The following ANGPT1 variants were observed in gnomAD, a reference collection of about 807,000 sequenced individuals.
ANGPT1 encodes angiopoietin 1, also known as angiopoietin-1.
A neutral mutation model predicts 62.2 loss-of-function variants in ANGPT1; 17 were observed. The ratio of observed to expected loss-of-function variants is 0.27; its 90% confidence interval spans 0.19 to 0.41. The LOEUF (loss-of-function observed/expected upper bound fraction) is 0.41. ANGPT1 is among the 10% of genes least tolerant of loss of function. ANGPT1 has a pLI of 1.00. For synonymous variants in ANGPT1, 199 were observed against 198.9 expected (o/e 1.00, Z 0.00); for missense variants, 478 against 594.9 (o/e 0.80, Z 2.04).
rs376615121 is a variant in ANGPT1, at chr8:107,474,575, T to A, written c.297+22687A>T. 3.9e-5 allele frequency among the ~76,000 whole-genome samples: 6 copies of A among 152,236 alleles called. No individual in the cohort carries two copies. The East Asian group carries it at 1.2e-3, about 29-fold the overall frequency. ...CTCCTATCCAACATAGTGTTGGAAG[T>A]TCTGGCCAGGGCAATTAGGCAGGAG... On this transcript the variant is annotated intron_variant, in intron 1 of 8. Coordinates refer to ENST00000517746, the MANE Select transcript of ANGPT1 (RefSeq NM_001146.5).
chr8:107,283,531 TA>T (rs1051080669), intron 7 of ANGPT1, among the ~76,000 whole-genome samples: 25 of 147,114 alleles, frequency 1.7e-4, no homozygotes, highest in East Asian at 4.0e-4. Flanking sequence ...TTTAAAAAAT[TA>T]AAAAAAAAAG....
intron 1 of ANGPT1, among the ~76,000 whole-genome samples, chr8:107,357,042 C>T (rs1200146823): frequency 6.6e-6 from 1 of 152,168 alleles, no homozygotes; most frequent in African/African-American, 2.4e-5. Flanking sequence ...TATTCCCAAC[C>T]TACATGTGTC....
chr8:107,322,520 G>A (rs967068317), intron 3 of ANGPT1, among the ~76,000 whole-genome samples: 12 of 152,174 alleles, frequency 7.9e-5, no homozygotes, highest in South Asian at 2.1e-4. Context: ...CAAACAACAC[G>A]TAGAAACTAC....
chr8:107,311,491 T>C (rs935022695), intron 4 of ANGPT1, among the ~76,000 whole-genome samples: 1 of 152,182 alleles, frequency 6.6e-6, no homozygotes, highest in African/African-American at 2.4e-5. Flanking sequence ...GCCCATGATA[T>C]ATAATTGCAG....
chr8:107,432,500 TA>T (rs1305604497), intron 1 of ANGPT1, among the ~76,000 whole-genome samples: 3 of 152,020 alleles, frequency 2.0e-5, no homozygotes, highest in Admixed American at 2.0e-4. Context: ...CTGTCTCTGC[TA>T]AAAATACAAA....
chr8:107,370,083 G>A (rs1222388860), intron 1 of ANGPT1, among the ~76,000 whole-genome samples: 2 of 150,910 alleles, frequency 1.3e-5, no homozygotes, highest in Non-Finnish European at 2.9e-5. Flanking sequence ...GGCTCAGAGA[G>A]CCATGATCAT....
intron 3 of ANGPT1, among the ~76,000 whole-genome samples, chr8:107,324,417 G>A (rs1238541993): frequency 6.6e-6 from 1 of 151,956 alleles, no homozygotes; most frequent in Admixed American, 6.6e-5. Flanking sequence ...CAGGGAAAAG[G>A]TTGTGTAAAG....
chr8:107,330,027 G>C (rs1236535370), intron 3 of ANGPT1, among the ~76,000 whole-genome samples: 1 of 152,066 alleles, frequency 6.6e-6, no homozygotes, highest in African/African-American at 2.4e-5. Context: ...GAGACGGACT[G>C]TTAGAGAAGC....
chr8:107,330,971 C>G (rs183229803), intron 3 of ANGPT1, among the ~76,000 whole-genome samples: 10 of 152,046 alleles, frequency 6.6e-5, no homozygotes, highest in Admixed American at 2.6e-4. Flanking sequence ...GTTCTATTTA[C>G]AAGAAAAAGA....
intron 4 of ANGPT1, among the ~76,000 whole-genome samples, chr8:107,311,211 AACTAAGAAATGATAAGAATTTGGG>A: frequency 1.3e-5 from 2 of 151,964 alleles, no homozygotes; most frequent in Admixed American, 1.3e-4. Context: ...AAGTAGGCAA[AACTAAGAAATGATAAGAATTTGGG>A]CACTGAACAA....
chr8:107,382,643 GA>G (rs74859906), intron 1 of ANGPT1, among the ~76,000 whole-genome samples: 17 of 151,186 alleles, frequency 1.1e-4, no homozygotes, highest in Admixed American at 2.6e-4. Context: ...ACAGAGCTGG[GA>G]AAAAAAAATG....
chr8:107,323,273 G>A (rs1343100055), intron 3 of ANGPT1, among the ~76,000 whole-genome samples: 6 of 152,140 alleles, frequency 3.9e-5, no homozygotes, highest in Admixed American at 2.6e-4. Context: ...TTCCTCCGGG[G>A]AAAGGCTTAC....
intron 1 of ANGPT1, among the ~76,000 whole-genome samples, chr8:107,373,487 A>T (rs542498784): frequency 6.6e-6 from 1 of 152,198 alleles, no homozygotes; most frequent in South Asian, 2.1e-4. Context: ...GGGTTTGAGT[A>T]TATCTGTCAT....
intron 6 of ANGPT1, among the ~76,000 whole-genome samples, chr8:107,289,246 T>C (rs1814215900): frequency 6.6e-6 from 1 of 152,160 alleles, no homozygotes; most frequent in African/African-American, 2.4e-5. Context: ...CACATATTAC[T>C]CAAAAACACA....
chr8:107,496,665 A>G (rs1813106792), intron 1 of ANGPT1, among the ~76,000 whole-genome samples: 1 of 152,104 alleles, frequency 6.6e-6, no homozygotes, highest in African/African-American at 2.4e-5. Flanking sequence ...TTTCTCAAGG[A>G]CAGAAGAAAA....
At chr8:107,417,254 G>A (rs1265944466) in intron 1 of ANGPT1, among the ~76,000 whole-genome samples, 1 of 152,170 alleles carries the variant, frequency 6.6e-6, no homozygotes, top group Non-Finnish European at 1.5e-5. Context: ...ATCATAGGTT[G>A]CCATTATAGA....
At chr8:107,436,827 TA>T (rs1395311220) in intron 1 of ANGPT1, among the ~76,000 whole-genome samples, 1 of 152,174 alleles carries the variant, frequency 6.6e-6, no homozygotes, top group African/African-American at 2.4e-5. Context: ...GAAGTTTACA[TA>T]AGAATATAAA....
At chr8:107,264,109 G>A in intron 8 of ANGPT1, 112 bp downstream of exon 8, 1 of 1,308,700 alleles carries the variant, frequency 7.6e-7, no homozygotes. Context: ...GATCTCTAGG[G>A]ACTTGCTCTT....
intron 2 of ANGPT1, among the ~76,000 whole-genome samples, chr8:107,340,458 C>T (rs1419220898): frequency 6.6e-6 from 1 of 151,754 alleles, no homozygotes; most frequent in East Asian, 1.9e-4. Context: ...AAAATTTCAC[C>T]CAGCTCCCTT....
Sources: gnomAD v4.1 joint callset for allele counts (sites outside exome capture counted in the v4.1 genomes callset) on GRCh38, gnomAD v4.1.1 for gene constraint, MANE v1.5 for transcripts, NCBI Gene and HGNC (gene_info 2026-07-23, HGNC 2026-07-21) for gene names.